Variants in HEPHL1 observed in about 807,000 individuals in gnomAD.
HEPHL1 encodes hephaestin like 1.
Under a neutral mutation model 122.0 loss-of-function variants are expected in HEPHL1, and 123 were observed. That is an observed-to-expected ratio of 1.01 (90% CI 0.87 to 1.17). HEPHL1 has a LOEUF of 1.17. Among genes scored for constraint, HEPHL1 ranks in the 50% most tolerant of loss-of-function variants. The pLI is 0.00. For synonymous variants in HEPHL1, 527 were observed against 508.9 expected (o/e 1.04, Z -0.48); for missense variants, 1,452 against 1,430.5 (o/e 1.01, Z -0.24).
At chr11:94,027,299 A>G (rs1945633884) in intron 1 of HEPHL1, among the ~76,000 whole-genome samples, 1 of 151,828 alleles carries the variant, frequency 6.6e-6, no homozygotes, top group Non-Finnish European at 1.5e-5. Flanking sequence ...GCAAAGACCC[A>G]TTTTTCCAAT....
rs747552754 is a variant in HEPHL1, at chr11:94,082,437, T to C, written c.1736T>C (p.Phe579Ser). 1.9e-6 allele frequency: 3 copies of C among 1,611,382 alleles called. No homozygotes were observed. Among genetic ancestry groups the C allele is most frequent in the Non-Finnish European group, 2.5e-6 (3 of 1,178,284 alleles). ...DGTQKGIDKE[F>S]YLLFTVFDEN... The stretch of plus-strand genomic sequence containing the variant: ...CTGTAGAAAGGAATAGACAAGGAGT[T>C]TTACCTACTGTTCACAGTCTTTGAT... The change falls in exon 10 of 20, where the codon TTT (phenylalanine) becomes TCT (serine). Residue 579 changes from phenylalanine to serine, a missense_variant. Physicochemically the swap from Phe to Ser is radical, Grantham distance 155 (BLOSUM62 -2). Coordinates refer to ENST00000315765, the MANE Select transcript of HEPHL1 (RefSeq NM_001098672.2).
In HEPHL1 at chr11:94,036,255, T is replaced by A. The variant is rs188168626; in HGVS notation, c.171-9418T>A. On this transcript the variant is annotated intron_variant, in intron 1 of 19. Coordinates refer to ENST00000315765, the MANE Select transcript of HEPHL1 (RefSeq NM_001098672.2). The stretch of plus-strand genomic sequence containing the variant: ...GGACAGAATAGGAATTCAAATGAGG[T>A]ACAGTTAAAGGCTGAACCCCAAGGG... Among the ~76,000 whole-genome samples, 3 of 152,186 alleles carry A rather than the reference T, an allele frequency of 2.0e-5. No individual in the cohort carries two copies. In the East Asian group the frequency reaches 5.8e-4, roughly 29 times the overall value.
At chr11:94,065,233 C>A (rs897085778) in intron 4 of HEPHL1, among the ~76,000 whole-genome samples, 3 of 152,168 alleles carry the variant, frequency 2.0e-5, no homozygotes, top group Non-Finnish European at 4.4e-5. Context: ...GACATATCTT[C>A]TCCTTCTATT....
At chr11:94,051,632 G>C (rs1945891140) in intron 2 of HEPHL1, among the ~76,000 whole-genome samples, 1 of 152,044 alleles carries the variant, frequency 6.6e-6, no homozygotes. Context: ...GTGTAGAAGT[G>C]TTTTAACTTA....
intron 1 of HEPHL1, among the ~76,000 whole-genome samples, chr11:94,023,501 A>T (rs1039510907): frequency 6.6e-6 from 1 of 152,226 alleles, no homozygotes; most frequent in South Asian, 2.1e-4. Context: ...TCTGTTGATC[A>T]TTTCAACCAG....
chr11:94,029,804 C>T (rs1292099791), intron 1 of HEPHL1, among the ~76,000 whole-genome samples: 1 of 152,184 alleles, frequency 6.6e-6, no homozygotes, highest in African/African-American at 2.4e-5. Context: ...CCAGTCCCTA[C>T]AGGGACTCAG....
chr11:94,052,290 T>C (rs112753658), intron 2 of HEPHL1, among the ~76,000 whole-genome samples: 1,567 of 152,224 alleles, frequency 0.01, 26 homozygotes, highest in African/African-American at 0.036. Context: ...CTCTTCAATT[T>C]CTTTCATCAG....
chr11:94,056,972 CTTTA>C (rs1203806958), intron 2 of HEPHL1, among the ~76,000 whole-genome samples: 1 of 151,990 alleles, frequency 6.6e-6, no homozygotes, highest in Admixed American at 6.6e-5. Flanking sequence ...CTCACTCAGT[CTTTA>C]TTTATCTAGA....
rs1217782976 is a variant in HEPHL1, at chr11:94,112,522, G to A, written c.*628G>A. 9 of 152,254 alleles carry A rather than the reference G, an allele frequency of 5.9e-5. No homozygotes were observed. Among genetic ancestry groups the A allele is most frequent in the South Asian group, 4.1e-4 (2 of 4,822 alleles). The allele number at this position is 152,254 out of a possible 1,614,324, so 9.4% of individuals were successfully genotyped here. A position where few individuals can be genotyped will look rare whatever the true frequency, so the allele number is the denominator to read the frequency against. On this transcript the variant is annotated 3_prime_UTR_variant, in exon 20 of 20. Transcript: ENST00000315765. ...CTTGTTTTAAAAAGCAAAGTTATAC[G>A]TTTTTTAAAAAATTGCTGCTGTTTT... is the stretch of plus-strand genomic sequence containing the variant.
chr11:94,027,234 C>T (rs985489532), intron 1 of HEPHL1, among the ~76,000 whole-genome samples: 7 of 152,196 alleles, frequency 4.6e-5, no homozygotes, highest in African/African-American at 1.7e-4. Flanking sequence ...TTAGGGCCCA[C>T]CCAGCTAATC....
chr11:94,047,953 C>T (rs911666994), intron 2 of HEPHL1, among the ~76,000 whole-genome samples: 33 of 152,282 alleles, frequency 2.2e-4, no homozygotes, highest in African/African-American at 7.5e-4. Context: ...GTTGTACAAT[C>T]ATCACCATTA....
At chr11:94,069,170 C>T (rs1313389786) in intron 5 of HEPHL1, among the ~76,000 whole-genome samples, 1 of 152,156 alleles carries the variant, frequency 6.6e-6, no homozygotes, top group Non-Finnish European at 1.5e-5. Flanking sequence ...GCTAAATTAG[C>T]CCGATAGTTG....
At chr11:94,032,607 A>G (rs1829371) in intron 1 of HEPHL1, among the ~76,000 whole-genome samples, 52,475 of 152,002 alleles carry the variant, frequency 0.35, 9,812 homozygotes, top group South Asian at 0.44. Context: ...AGGTTGTTAT[A>G]GTAGGTAGCT....
chr11:94,036,676 C>A (rs1945727635), intron 1 of HEPHL1, among the ~76,000 whole-genome samples: 1 of 151,628 alleles, frequency 6.6e-6, no homozygotes, highest in African/African-American at 2.4e-5. Context: ...CTCTACTAAA[C>A]AAAATACAAA....
Position 94,110,817 on chromosome 11 carries a change from TTTTA to T in HEPHL1, c.3046-82_3046-79del, listed in dbSNP as rs566369168. 1.0e-4 allele frequency: 108 copies of T among 1,063,268 alleles called. No individual in the cohort carries two copies. The East Asian group carries it at 1.5e-3, about 15-fold the overall frequency. 65.9% of individuals were successfully genotyped at this position (1,063,268 alleles called of 1,614,324 possible). A position where few individuals can be genotyped will look rare whatever the true frequency, so the allele number is the denominator to read the frequency against. On this transcript the variant is annotated intron_variant, in intron 17 of 19. Transcript: ENST00000315765. ...TGTCCTTCCTTTTGCTTACTGTGGG[TTTTA>T]TTTGTTTTTGCTCTTCTTTCTGTTC...
chr11:94,032,510 T>G (rs1945684325), intron 1 of HEPHL1, among the ~76,000 whole-genome samples: 1 of 152,186 alleles, frequency 6.6e-6, no homozygotes, highest in Non-Finnish European at 1.5e-5. Flanking sequence ...GTTTACAAAT[T>G]AGAAAATGTC....
chr11:94,104,640 T>G lies in HEPHL1; in HGVS notation c.2795T>G (p.Phe932Cys), dbSNP rs1452651567. Residue 932 changes from phenylalanine (F) to cysteine (C), a missense_variant, in exon 16 of 20, where the codon TTT (phenylalanine) becomes TGT (cysteine). By Grantham distance (205) the Phe-to-Cys change is radical. Coordinates refer to ENST00000315765, the MANE Select transcript of HEPHL1 (RefSeq NM_001098672.2). ...DYEFALLFLV[F>C]NENESWYLDD... is the part of the protein sequence containing the mutation. ...GAATTTGCTCTCTTGTTTTTGGTAT[T>G]TAATGAGAATGAATCCTGGTATCTG... 6.2e-7 allele frequency: 1 copy of G among 1,613,674 alleles called. No individual in the cohort carries two copies. Among genetic ancestry groups the G allele is most frequent in the African/African-American group, 1.3e-5 (1 of 74,918 alleles).
chr11:94,025,493 C>A (rs1945616623), intron 1 of HEPHL1, among the ~76,000 whole-genome samples: 1 of 152,186 alleles, frequency 6.6e-6, no homozygotes, highest in Non-Finnish European at 1.5e-5. Context: ...AGGCCATCAA[C>A]ACACATTCAG....
intron 1 of HEPHL1, among the ~76,000 whole-genome samples, chr11:94,043,076 G>A (rs1174206022): frequency 2.6e-5 from 4 of 152,072 alleles, no homozygotes; most frequent in East Asian, 1.9e-4. Flanking sequence ...TACCTGACAC[G>A]TGCTTAACAC....
Sources: gnomAD v4.1 joint callset for allele counts (sites outside exome capture counted in the v4.1 genomes callset) on GRCh38, gnomAD v4.1.1 for gene constraint, MANE v1.5 for transcripts, NCBI Gene and HGNC (gene_info 2026-07-23, HGNC 2026-07-21) for gene names.